Variants in PSMA5 observed in about 807,000 individuals in gnomAD.
PSMA5 encodes the protein proteasome 20S subunit alpha 5.
PSMA5 carries 3 observed loss-of-function variants against 34.5 expected under a neutral mutation model. The ratio of observed to expected loss-of-function variants is 0.09; its 90% confidence interval spans 0.04 to 0.22. The LOEUF (loss-of-function observed/expected upper bound fraction) is 0.22, where lower values mean the gene tolerates loss of function less well. PSMA5 is among the 10% of genes least tolerant of loss of function. The pLI is 1.00. For synonymous variants in PSMA5, 88 were observed against 95.8 expected, an observed-to-expected ratio of 0.92 and a Z score of 0.47; for missense variants, 120 against 286.1, an observed-to-expected ratio of 0.42 and a Z score of 4.19.
intron 4 of PSMA5, 57 bp downstream of exon 4, chr1:109,413,011 A>G (rs1654059343): frequency 4.2e-6 from 6 of 1,433,588 alleles, no homozygotes; most frequent in Non-Finnish European, 5.9e-6. Flanking sequence ...GCAGCTAGAT[A>G]ATCACTAAAC....
At position 109,426,424 on chromosome 1, in the gene PSMA5, A is replaced by C; in HGVS notation, c.-94T>G. The C allele has an allele frequency of 1.3e-6, 2 of 1,499,898 alleles. No individual in the cohort carries two copies. The highest frequency in any genetic ancestry group is 1.9e-6 in the Non-Finnish European group (2 of 1,076,472). The allele number at this position is 1,499,898 out of a possible 1,614,324, so 92.9% of individuals were successfully genotyped here. ...ACTCACCGGCAGCCAACTCACCCAC[A>C]CGGCCGCAGTACTAAGGACCAACTG... On this transcript the variant is annotated 5_prime_UTR_variant, in exon 1 of 9. Transcript: ENST00000271308.
At chr1:109,423,388 G>T (rs1000185136) in intron 1 of PSMA5, among the ~76,000 whole-genome samples, 1 of 152,204 alleles carries the variant, frequency 6.6e-6, no homozygotes, top group Non-Finnish European at 1.5e-5. Context: ...GCAGTGAGCC[G>T]AGATGGTGCC....
At chr1:109,415,927 C>T (rs1302963878) in intron 2 of PSMA5, among the ~76,000 whole-genome samples, 2 of 152,116 alleles carry the variant, frequency 1.3e-5, no homozygotes. Context: ...ACCATCATCA[C>T]CACCAACAAC....
chr1:109,406,548 C>T (rs972814913), intron 8 of PSMA5, among the ~76,000 whole-genome samples: 3 of 152,002 alleles, frequency 2.0e-5, no homozygotes, highest in Non-Finnish European at 2.9e-5. Context: ...AATTAAAAAA[C>T]ATTAGCCAGG....
intron 8 of PSMA5, among the ~76,000 whole-genome samples, chr1:109,404,552 A>G (rs1557838381): frequency 6.6e-6 from 1 of 152,222 alleles, no homozygotes; most frequent in African/African-American, 2.4e-5. Flanking sequence ...ACGCAAATCA[A>G]TACTATTAAT....
chr1:109,421,985 A>G, intron 1 of PSMA5, 59 bp from the exon 2 acceptor site: 1 of 1,109,200 alleles, frequency 9.0e-7, no homozygotes, highest in Non-Finnish European at 1.2e-6. Flanking sequence ...GTAGACACTG[A>G]ATTCAAGTTC....
At chr1:109,423,159 C>A (rs1654515584) in intron 1 of PSMA5, among the ~76,000 whole-genome samples, 2 of 152,240 alleles carry the variant, frequency 1.3e-5, no homozygotes, top group South Asian at 4.1e-4. Flanking sequence ...GTGCTTTTGG[C>A]CTGGCGTGGT....
intron 4 of PSMA5, 53 bp from the exon 5 acceptor site, chr1:109,412,237 C>A: frequency 7.1e-7 from 1 of 1,417,202 alleles, no homozygotes; most frequent in Middle Eastern, 1.8e-4. Flanking sequence ...ATTAAAGCAG[C>A]CCACCATCTC....
intron 2 of PSMA5, among the ~76,000 whole-genome samples, chr1:109,416,583 CAA>C (rs1213398379): frequency 1.3e-5 from 2 of 152,220 alleles, no homozygotes; most frequent in South Asian, 2.1e-4. Context: ...GTGAGCACTG[CAA>C]AGAGTTCCAA....
At position 109,400,945 on chromosome 1, in the gene PSMA5, T is replaced by G. The variant is rs1426463057; in HGVS notation, c.*1068A>C. 1 of 152,210 alleles carries G rather than the reference T, an allele frequency of 6.6e-6. No homozygotes were observed. The highest frequency in any genetic ancestry group is 1.5e-5 in the Non-Finnish European group (1 of 68,048). 9.4% of individuals were successfully genotyped at this position (152,210 alleles called of 1,614,324 possible). On this transcript the variant is annotated 3_prime_UTR_variant, in exon 9 of 9. Transcript: ENST00000271308. ...GATTTCCCTATTACTCAAGAGCTGG[T>G]GATCTGAAACAAGAAAATTTGAGCT...
intron 6 of PSMA5, among the ~76,000 whole-genome samples, chr1:109,411,599 G>A (rs1490680864): frequency 6.6e-6 from 1 of 151,876 alleles, no homozygotes; most frequent in African/African-American, 2.4e-5. Context: ...CTCTACAATA[G>A]CCCTTTTTAC....
intron 8 of PSMA5, among the ~76,000 whole-genome samples, chr1:109,404,089 T>G (rs112530469): frequency 6.6e-6 from 1 of 152,220 alleles, no homozygotes; most frequent in Admixed American, 6.5e-5. Context: ...TTTGGGAGGC[T>G]GGGGCAGGCA....
intron 1 of PSMA5, among the ~76,000 whole-genome samples, chr1:109,424,635 G>A (rs1030919616): frequency 6.6e-6 from 1 of 151,822 alleles, no homozygotes; most frequent in Non-Finnish European, 1.5e-5. Context: ...AATTAGCCGG[G>A]CGTGGTGGCA....
chr1:109,413,192 C>T (rs950451878), intron 3 of PSMA5, 57 bp from the exon 4 acceptor site: 42 of 1,516,066 alleles, frequency 2.8e-5, no homozygotes, highest in Non-Finnish European at 3.8e-5. Context: ...ACTCTTTCAT[C>T]CACTCAGGAA....
At chr1:109,416,965 C>T (rs1188692720) in intron 2 of PSMA5, among the ~76,000 whole-genome samples, 2 of 152,122 alleles carry the variant, frequency 1.3e-5, no homozygotes, top group Non-Finnish European at 2.9e-5. Flanking sequence ...ATTAGCCAGG[C>T]TTGGTGGCGT....
chr1:109,404,121 C>T (rs1171223611), intron 8 of PSMA5, among the ~76,000 whole-genome samples: 3 of 151,982 alleles, frequency 2.0e-5, no homozygotes, highest in East Asian at 1.9e-4. Flanking sequence ...GTCAGGAGTT[C>T]GAGACCAGCC....
intron 2 of PSMA5, among the ~76,000 whole-genome samples, chr1:109,415,659 A>G (rs1557843042): frequency 6.6e-6 from 1 of 151,906 alleles, no homozygotes; most frequent in East Asian, 1.9e-4. Flanking sequence ...CAGAACCCCA[A>G]AAGAGTAAGT....
intron 8 of PSMA5, among the ~76,000 whole-genome samples, chr1:109,405,944 G>A (rs565054422): frequency 6.6e-6 from 1 of 152,238 alleles, no homozygotes; most frequent in African/African-American, 2.4e-5. Flanking sequence ...ACATGGATTT[G>A]GGAGTTATTT....
intron 2 of PSMA5, 28 bp from the exon 3 acceptor site, chr1:109,415,391 T>C (rs1271778408): frequency 6.3e-7 from 1 of 1,599,884 alleles, no homozygotes; most frequent in Admixed American, 1.7e-5. Context: ...ATGATTACCA[T>C]ATATAGGTCA....
Sources: allele counts gnomAD v4.1 joint callset (sites outside exome capture counted in the v4.1 genomes callset), GRCh38; gene constraint gnomAD v4.1.1; transcripts MANE v1.5; gene names NCBI Gene and HGNC (gene_info 2026-07-23, HGNC 2026-07-21).